The following SLC35D4 variants were observed in gnomAD, a reference collection of about 807,000 sequenced individuals.
SLC35D4 encodes UDP-N-acetylglucosamine transporter SLC35D4.
the SLC35D4 span, among the ~76,000 whole-genome samples, chr18:23,430,952 G>A: frequency 1.3e-5 from 2 of 151,820 alleles, no homozygotes; most frequent in South Asian, 2.1e-4. Context: ...TGAGGAGTTC[G>A]AGACCAGCCT....
the SLC35D4 span, among the ~76,000 whole-genome samples, chr18:23,343,616 T>TAAATTGCA: frequency 6.6e-6 from 1 of 152,250 alleles, no homozygotes; most frequent in East Asian, 1.9e-4. Context: ...GTTATATAGG[T>TAAATTGCA]AAATTGCATG....
At chr18:23,331,856 AGC>A in the SLC35D4 span, among the ~76,000 whole-genome samples, 1 of 150,092 alleles carries the variant, frequency 6.7e-6, no homozygotes, top group Non-Finnish European at 1.5e-5. Context: ...TTATGAATAA[AGC>A]TGCCATGGAT....
chr18:23,398,187 C>A, the SLC35D4 span, among the ~76,000 whole-genome samples: 1 of 152,202 alleles, frequency 6.6e-6, no homozygotes, highest in African/African-American at 2.4e-5. Context: ...CCTCACCTAT[C>A]ATCTGTCAAA....
chr18:23,406,720 C>T, the SLC35D4 span, among the ~76,000 whole-genome samples: 1 of 152,202 alleles, frequency 6.6e-6, no homozygotes, highest in African/African-American at 2.4e-5. Flanking sequence ...GTTCTCTAAG[C>T]CTCCTCTGGT....
At chr18:23,339,442 T>C in the SLC35D4 span, among the ~76,000 whole-genome samples, 1 of 152,248 alleles carries the variant, frequency 6.6e-6, no homozygotes. Context: ...TATATAATGC[T>C]ACAATTCAAT....
At chr18:23,338,029 G>A in the SLC35D4 span, among the ~76,000 whole-genome samples, 2 of 152,242 alleles carry the variant, frequency 1.3e-5, no homozygotes, top group Non-Finnish European at 2.9e-5. Flanking sequence ...TTGTTATGGA[G>A]ACAGCTTTGA....
chr18:23,426,498 C>A, the SLC35D4 span, among the ~76,000 whole-genome samples: 1 of 152,156 alleles, frequency 6.6e-6, no homozygotes, highest in South Asian at 2.1e-4. Flanking sequence ...CTACAAACCA[C>A]TGCTCAACAA....
the SLC35D4 span, among the ~76,000 whole-genome samples, chr18:23,349,167 C>T: frequency 6.6e-6 from 1 of 152,158 alleles, no homozygotes; most frequent in African/African-American, 2.4e-5. Flanking sequence ...TTACTTGGGA[C>T]TCACTGAACT....
At chr18:23,344,847 G>A in the SLC35D4 span, among the ~76,000 whole-genome samples, 1 of 152,016 alleles carries the variant, frequency 6.6e-6, no homozygotes, top group Non-Finnish European at 1.5e-5. Context: ...TGATCCGCCC[G>A]CCTTGGCCTC....
At chr18:23,264,988 C>T in the SLC35D4 span, among the ~76,000 whole-genome samples, 5 of 152,230 alleles carry the variant, frequency 3.3e-5, no homozygotes, top group South Asian at 8.3e-4. Flanking sequence ...CACTCACTAT[C>T]GTGAGGACAG....
chr18:23,253,841 A>G, the SLC35D4 span: 1 of 1,614,112 alleles, frequency 6.2e-7, no homozygotes, highest in Admixed American at 1.7e-5. Flanking sequence ...GAAACTCAAC[A>G]AACAGAACCG....
At chr18:23,273,895 T>G in the SLC35D4 span, among the ~76,000 whole-genome samples, 1 of 152,186 alleles carries the variant, frequency 6.6e-6, no homozygotes, top group African/African-American at 2.4e-5. Flanking sequence ...ATTTAATTGT[T>G]TCAACAAACG....
chr18:23,352,774 T>C, the SLC35D4 span, among the ~76,000 whole-genome samples: 2 of 152,224 alleles, frequency 1.3e-5, no homozygotes, highest in South Asian at 4.1e-4. Context: ...CACATATGGC[T>C]GAGGCCAGAA....
the SLC35D4 span, among the ~76,000 whole-genome samples, chr18:23,417,772 T>C: frequency 2.0e-5 from 3 of 152,222 alleles, no homozygotes; most frequent in African/African-American, 7.2e-5. Context: ...TAAGGTAATT[T>C]TTTAAAGACT....
the SLC35D4 span, among the ~76,000 whole-genome samples, chr18:23,251,100 A>G: frequency 1.3e-5 from 2 of 152,228 alleles, no homozygotes; most frequent in Admixed American, 1.3e-4. Flanking sequence ...TCATCCAGGG[A>G]ATCGACCTTC....
the SLC35D4 span, among the ~76,000 whole-genome samples, chr18:23,353,265 G>A: frequency 2.6e-5 from 4 of 152,140 alleles, no homozygotes; most frequent in Non-Finnish European, 5.9e-5. Flanking sequence ...CAAGCCCTGT[G>A]AGTTGTACTT....
chr18:23,323,121 A>C, the SLC35D4 span, among the ~76,000 whole-genome samples: 1 of 152,360 alleles, frequency 6.6e-6, no homozygotes, highest in South Asian at 2.1e-4. Flanking sequence ...GATTTACTCA[A>C]AGCACAGATC....
At chr18:23,241,993 G>C in the SLC35D4 span, among the ~76,000 whole-genome samples, 3 of 152,220 alleles carry the variant, frequency 2.0e-5, no homozygotes, top group African/African-American at 4.8e-5. Flanking sequence ...AAAAAATTCC[G>C]GGCCAGGTGC....
At chr18:23,437,700 G>A in the SLC35D4 span, 1 of 1,436,416 alleles carries the variant, frequency 7.0e-7, no homozygotes, top group Non-Finnish European at 9.5e-7. Context: ...AAAAGCAGGA[G>A]GAGGCTCCGT....
Sources: gnomAD v4.1 joint callset for allele counts (sites outside exome capture counted in the v4.1 genomes callset) on GRCh38, gnomAD v4.1.1 for gene constraint, MANE v1.5 for transcripts, NCBI Gene and HGNC (gene_info 2026-07-23, HGNC 2026-07-21) for gene names.